COL16A1: variants seen among roughly 807,000 people sequenced by gnomAD.
The protein encoded by COL16A1 is collagen alpha-1(XVI) chain.
COL16A1 carries 189 observed loss-of-function variants against 266.3 expected under a neutral mutation model. The ratio of observed to expected loss-of-function variants is 0.71; its 90% CI spans 0.63 to 0.80. COL16A1 has a LOEUF of 0.80. COL16A1 is among the 30% of genes least tolerant of loss of function. The pLI is 0.00. For synonymous variants in COL16A1, 740 were observed against 782.3 expected, an observed-to-expected ratio of 0.95 and a Z score of 0.90; for missense variants, 1,928 against 2,122.4, an observed-to-expected ratio of 0.91 and a Z score of 1.80.
chr1:31,684,771 G>A (rs568517084), intron 30 of COL16A1, 50 bp downstream of exon 30: 1 of 1,613,880 alleles, frequency 6.2e-7, no homozygotes, highest in Non-Finnish European at 8.5e-7. Flanking sequence ...GCAAGGAGGG[G>A]ATCTGAGATG....
At chr1:31,661,901 T>C (rs951894144) in intron 58 of COL16A1, 197 bp from the exon 59 acceptor site, 4 of 643,688 alleles carry the variant, frequency 6.2e-6, no homozygotes, top group Middle Eastern at 3.8e-4. Flanking sequence ...CTTTCCTTCT[T>C]TGGGATATAT....
rs1040948050 is a variant in COL16A1, at chr1:31,689,627, C to T, written c.1620+114G>A. On this transcript the variant is annotated intron_variant, in intron 23 of 70. Transcript: ENST00000373672. ...AGCCTAGACTCTCTGCCCATAATCT[C>T]TCTGTAGCCACGAGAAGTACCCAGC... The T allele has an allele frequency of 4.9e-6, 4 of 816,394 alleles. No individual in the cohort carries two copies. In the Admixed American group the frequency reaches 5.8e-5, roughly 12 times the overall value. The allele number at this position is 816,394 out of a possible 1,614,324, so 50.6% of individuals were successfully genotyped here. A position where few individuals can be genotyped will look rare whatever the true frequency, so the allele number is the denominator to read the frequency against.
chr1:31,679,760 C>T, intron 41 of COL16A1, 44 bp downstream of exon 41: 1 of 1,596,014 alleles, frequency 6.3e-7, no homozygotes, highest in Non-Finnish European at 8.5e-7. Context: ...TTAGGGTGGA[C>T]AAGCCGCGGG....
chr1:31,679,371 T>A, intron 42 of COL16A1: 5 of 1,495,290 alleles, frequency 3.3e-6, no homozygotes, highest in Non-Finnish European at 4.5e-6. Flanking sequence ...GGTAAGGGAT[T>A]TTTATCTGAC....
At chr1:31,673,027 C>A (rs1228225362) in intron 44 of COL16A1, 187 bp from the exon 45 acceptor site, 1 of 673,238 alleles carries the variant, frequency 1.5e-6, no homozygotes, top group East Asian at 2.7e-5. Flanking sequence ...GACCCACTCC[C>A]AACAATTGGC....
rs933793998 is a variant in COL16A1 at position 31,657,020 on chromosome 1, A to G, written c.4056+13T>C. 1.2e-5 allele frequency: 20 copies of G among 1,614,056 alleles called. No homozygotes were observed. Among genetic ancestry groups the G allele is most frequent in the Non-Finnish European group, 1.4e-5 (16 of 1,180,024 alleles). Reference sequence around the variant, plus strand: ...CACCCCCAAGGAAACAGAGAAGACCAGTACAACTGTACCTCTTTGCCAGCT... The same window carrying G: ...CACCCCCAAGGAAACAGAGAAGACCGGTACAACTGTACCTCTTTGCCAGCT... On this transcript the variant is annotated intron_variant, in intron 65 of 70. Transcript: ENST00000373672. This position sits in a 1 kb window ranked among gnomAD's most constrained non-coding sequence, Gnocchi z 6.4.
chr1:31,664,440 C>T lies in COL16A1; in HGVS notation c.3555+732G>A, dbSNP rs1276068921. 6.6e-6 allele frequency among the ~76,000 whole-genome samples: 1 copy of T among 152,106 alleles called. No individual in the cohort carries two copies. Among genetic ancestry groups the T allele is most frequent in the Non-Finnish European group, 1.5e-5 (1 of 68,014 alleles). On this transcript the variant is annotated intron_variant, in intron 56 of 70. Transcript: ENST00000373672. This position sits in a 1 kb window ranked among gnomAD's most constrained non-coding sequence, Gnocchi z 5.5. ...CACAAGGCTCAGGGGAAAGAGGCTCCCACCTGTCCCTCTGAACCCAGGTCC... is the reference window on the plus strand; with the variant it reads ...CACAAGGCTCAGGGGAAAGAGGCTCTCACCTGTCCCTCTGAACCCAGGTCC...
intron 11 of COL16A1, 42 bp downstream of exon 11, chr1:31,695,143 CG>C (rs1553171580): frequency 6.2e-7 from 1 of 1,609,834 alleles, no homozygotes; most frequent in Non-Finnish European, 8.5e-7. Flanking sequence ...CGTCCACTCC[CG>C]GCTCTTGCCC....
intron 56 of COL16A1, 142 bp from the exon 57 acceptor site, chr1:31,662,800 CT>C: frequency 1.3e-6 from 1 of 786,298 alleles, no homozygotes; most frequent in Admixed American, 2.9e-5. Context: ...CAATCTGTCC[CT>C]GTCTAACTGC....
At chr1:31,661,607 A>G in intron 59 of COL16A1, 53 bp downstream of exon 59, 1 of 1,612,828 alleles carries the variant, frequency 6.2e-7, no homozygotes, top group Non-Finnish European at 8.5e-7. Flanking sequence ...GCAGCCACCC[A>G]GGCAGAAGCT....
intron 33 of COL16A1, 98 bp from the exon 34 acceptor site, chr1:31,683,846 C>G (rs1381850569): frequency 6.2e-7 from 1 of 1,605,870 alleles, no homozygotes; most frequent in African/African-American, 1.3e-5. Context: ...CTGCCCTGCA[C>G]CCTGCCTCCA....
rs1644575586 is a variant in COL16A1 at position 31,698,056 on chromosome 1, G to T, written c.507C>A (p.His169Gln). ...PVPQLFDLRW[H>Q]KLMLSVAGRV... ...GTCCAGCCACACTCAGCATCAGCTT[G>T]TGCCAACGCAAGTCGAAGAGCTGGG... The change falls in exon 6 of 71, where the codon CAC becomes CAA. Residue 169 changes from histidine to glutamine, a missense_variant. This residue lies in a region of COL16A1 where 1,552 missense variants were observed against 1,637.2 expected (regional missense o/e 0.95). Coordinates refer to ENST00000373672, the MANE Select transcript of COL16A1 (RefSeq NM_001856.4). The surrounding 1 kb of genome is among the most constrained non-coding windows in gnomAD (Gnocchi z 4.1). The T allele has an allele frequency of 6.2e-7, 1 of 1,613,962 alleles. No homozygotes were observed. Among genetic ancestry groups the T allele is most frequent in the Non-Finnish European group, 8.5e-7 (1 of 1,180,044 alleles).
Position 31,702,172 on chromosome 1 carries a change from C to A in COL16A1, c.22G>T (p.Gly8Cys). ...GCCCAAAGACCGAGCAGCCACAGGC[C>A]AGGAGCCCAGGATACCCACATCCCG... MWVSWAP[G>C]LWLLGLWATF... is the part of the protein sequence containing the mutation. The change falls in exon 2 of 71, where the codon GGC (glycine) becomes TGC (cysteine). Residue 8 changes from glycine (G) to cysteine (C), a missense_variant. Physicochemically the swap from Gly to Cys is radical, Grantham distance 159 (BLOSUM62 -3). Coordinates refer to ENST00000373672, the MANE Select transcript of COL16A1 (RefSeq NM_001856.4). The A allele has an allele frequency of 6.2e-7, 1 of 1,614,160 alleles. No homozygotes were observed. The highest frequency in any genetic ancestry group is 1.1e-5 in the South Asian group (1 of 91,074).
intron 23 of COL16A1, chr1:31,689,361 T>C: frequency 1.7e-6 from 1 of 594,348 alleles, no homozygotes; most frequent in South Asian, 2.1e-5. Flanking sequence ...CAGGTGCTCC[T>C]GAAAGAGGGG....
Position 31,698,163 on chromosome 1 carries a change from C to A in COL16A1, c.400G>T (p.Glu134Ter). 2.5e-6 allele frequency: 4 copies of A among 1,613,700 alleles called. No homozygotes were observed. Among genetic ancestry groups the A allele is most frequent in the Non-Finnish European group, 3.4e-6 (4 of 1,180,008 alleles). The change falls in exon 6 of 71, where the codon GAA becomes TAA. Residue 134 changes from glutamate to a stop codon, truncating the protein, a stop_gained. Coordinates refer to ENST00000373672, the MANE Select transcript of COL16A1 (RefSeq NM_001856.4). LOFTEE classifies it high-confidence loss of function. The surrounding 1 kb of genome is among the most constrained non-coding windows in gnomAD (Gnocchi z 4.1). ...AGGCTCCGCTCTTGGCTGTTGACTT[C>A]CAGGGATATCTGGGTAGAATTTGGA... ...DANGYPQISL[E>*]VNSQERSLEL...
intron 33 of COL16A1, 65 bp from the exon 34 acceptor site, chr1:31,683,813 G>C: frequency 6.2e-7 from 1 of 1,611,826 alleles, no homozygotes; most frequent in Non-Finnish European, 8.5e-7. Flanking sequence ...CTTCTCCCCA[G>C]CCCCTTCTCC....
rs1310172068 is a variant in COL16A1 at position 31,654,887 on chromosome 1, A to G, written c.4291-29T>C. On this transcript the variant is annotated intron_variant, in intron 67 of 70. Transcript: ENST00000373672. Reference sequence around the variant, plus strand: ...AAGAAAGAGAAGAAAACCTGCCTCAATTATACTTCCAAGCCTGGCATTTTC... The same window carrying G: ...AAGAAAGAGAAGAAAACCTGCCTCAGTTATACTTCCAAGCCTGGCATTTTC... The G allele has an allele frequency of 5.0e-6, 8 of 1,613,256 alleles. No individual in the cohort carries two copies. The Admixed American group carries it at 6.7e-5, about 13-fold the overall frequency.
At position 31,653,889 on chromosome 1, in the gene COL16A1, C is replaced by A. The variant is rs747975686; in HGVS notation, c.4512G>T (p.Arg1504=). ...GLPGQIGREG[R]QGLPGVRGLP... ...TACCTCTTACTCCTGGCAAGCCCTG[C>A]CGTCCTTCTCTGCCAATCTGACCAG... The change falls in exon 69 of 71, where the codon CGG becomes CGT. Residue 1504 remains arginine (R), a synonymous_variant. Coordinates refer to ENST00000373672, the MANE Select transcript of COL16A1 (RefSeq NM_001856.4). 6.2e-7 allele frequency: 1 copy of A among 1,612,588 alleles called. No homozygotes were observed. The highest frequency in any genetic ancestry group is 8.5e-7 in the Non-Finnish European group (1 of 1,179,052).
chr1:31,690,097 G>A, intron 22 of COL16A1: 2 of 626,134 alleles, frequency 3.2e-6, no homozygotes, highest in South Asian at 4.1e-5. Context: ...GTGCCCCACT[G>A]ACAGACATGG....
Sources: allele counts gnomAD v4.1 joint callset (sites outside exome capture counted in the v4.1 genomes callset), GRCh38; gene constraint gnomAD v4.1.1; regional missense constraint gnomAD v4.1.1; non-coding constraint Gnocchi (gnomAD v3.1); transcripts MANE v1.5; gene names NCBI Gene and HGNC (gene_info 2026-07-23, HGNC 2026-07-21).